SNTG2: variants seen among roughly 807,000 people sequenced by gnomAD.
SNTG2 encodes the protein gamma-2-syntrophin.
SNTG2 carries 74 observed loss-of-function variants against 70.9 expected under a neutral mutation model. The observed-to-expected ratio is 1.04, with a 90% CI of 0.86 to 1.27. SNTG2 has a LOEUF of 1.27. Among genes scored for constraint, SNTG2 ranks in the 50% most tolerant of loss-of-function variants. The pLI is 0.00. For missense variants in SNTG2, 717 were observed against 690.7 expected, an observed-to-expected ratio of 1.04 and a Z score of -0.43; for synonymous variants, 278 against 273.8, an observed-to-expected ratio of 1.02 and a Z score of -0.15.
chr2:1,078,702 T>C (rs1045975445), intron 1 of SNTG2, among the ~76,000 whole-genome samples: 2 of 152,136 alleles, frequency 1.3e-5, no homozygotes, highest in Non-Finnish European at 2.9e-5. Context: ...AGCTGTGACC[T>C]TAAGAATACA....
At chr2:1,318,491 A>G (rs111432370) in intron 16 of SNTG2, among the ~76,000 whole-genome samples, 7 of 152,366 alleles carry the variant, frequency 4.6e-5, no homozygotes, top group African/African-American at 1.4e-4. Context: ...CTGAATGCAG[A>G]TGGTACAGAC....
intron 1 of SNTG2, among the ~76,000 whole-genome samples, chr2:991,407 A>ACACACACACACACT (rs1553305482): frequency 1.5e-4 from 22 of 151,122 alleles, no homozygotes; most frequent in Admixed American, 2.6e-4. Flanking sequence ...ACACACACAC[A>ACACACACACACACT]ATTATGACTT....
At position 1,158,316 on chromosome 2, in the gene SNTG2, T is replaced by A. The variant is rs189729085; in HGVS notation, c.412-7232T>A. On this transcript the variant is annotated intron_variant, in intron 6 of 16. Transcript: ENST00000308624. Reference sequence around the variant, plus strand: ...AGAAAAGTAGAAAATTATTATTTTTTAAAATTTATCTACATCTGAGTACAC... The same window carrying A: ...AGAAAAGTAGAAAATTATTATTTTTAAAAATTTATCTACATCTGAGTACAC... 1.8e-3 allele frequency: 280 copies of A among 152,348 alleles called. 3 individuals are homozygous for A. The highest frequency in any genetic ancestry group is 6.4e-3 in the African/African-American group (268 of 41,568). 9.4% of individuals were successfully genotyped at this position (152,348 alleles called of 1,614,324 possible).
intron 9 of SNTG2, among the ~76,000 whole-genome samples, chr2:1,225,019 G>C (rs1464183019): frequency 1.3e-5 from 2 of 152,228 alleles, no homozygotes; most frequent in African/African-American, 4.8e-5. Flanking sequence ...TTAATGTACA[G>C]AAGAGGCTCT....
chr2:1,196,748 A>C (rs6738385), intron 8 of SNTG2, among the ~76,000 whole-genome samples: 49,247 of 151,934 alleles, frequency 0.32, 8,504 homozygotes, highest in East Asian at 0.65. Flanking sequence ...AAAGAAAAAA[A>C]ACACTTCTAG....
rs558366956 is a variant in SNTG2 at position 1,134,889 on chromosome 2, C to G, written c.326-2733C>G. ...CCCCGCGGGGAGGCAGCTAAGGCCC[C>G]GAGAGAAATCAAGCGCAACACCGGT... is the stretch of plus-strand genomic sequence containing the variant. On this transcript the variant is annotated intron_variant, in intron 4 of 16. Transcript: ENST00000308624. Among the ~76,000 whole-genome samples, 56 of 152,288 alleles carry G rather than the reference C, an allele frequency of 3.7e-4. 1 individual carries two copies. Among genetic ancestry groups the G allele is most frequent in the African/African-American group, 1.3e-3 (53 of 41,562 alleles).
chr2:1,027,244 A>G (rs767713836), intron 1 of SNTG2, among the ~76,000 whole-genome samples: 20 of 152,140 alleles, frequency 1.3e-4, no homozygotes, highest in Non-Finnish European at 2.2e-4. Flanking sequence ...TAACTCATGC[A>G]TCTCTGTTGA....
chr2:1,058,695 G>T (rs918294862), intron 1 of SNTG2, among the ~76,000 whole-genome samples: 4 of 152,236 alleles, frequency 2.6e-5, no homozygotes, highest in Non-Finnish European at 5.9e-5. Context: ...CTTGGCTAGA[G>T]GGTGGAGTTT....
intron 1 of SNTG2, among the ~76,000 whole-genome samples, chr2:999,031 A>G (rs1192512638): frequency 2.0e-5 from 3 of 152,126 alleles, no homozygotes; most frequent in African/African-American, 7.2e-5. Flanking sequence ...CACAAATTTT[A>G]TATCTTGCTA....
intron 4 of SNTG2, among the ~76,000 whole-genome samples, chr2:1,116,899 T>C (rs1376226240): frequency 1.1e-4 from 16 of 145,112 alleles, no homozygotes; most frequent in Admixed American, 7.5e-4. Context: ...GGTGCCCTAG[T>C]GTGTGGGTGC....
chr2:1,227,129 A>T (rs1018066029), intron 9 of SNTG2, among the ~76,000 whole-genome samples: 2 of 152,252 alleles, frequency 1.3e-5, no homozygotes, highest in African/African-American at 4.8e-5. Flanking sequence ...GAGTTATTTT[A>T]TCATCACTGA....
intron 1 of SNTG2, among the ~76,000 whole-genome samples, chr2:1,030,652 T>G (rs1251416229): frequency 1.3e-5 from 2 of 152,252 alleles, no homozygotes; most frequent in African/African-American, 4.8e-5. Context: ...TACTGAGCAC[T>G]GCTGTACACT....
chr2:1,254,448 T>TTTTATAAC (rs1312337599), intron 12 of SNTG2, among the ~76,000 whole-genome samples: 1 of 152,246 alleles, frequency 6.6e-6, no homozygotes, highest in East Asian at 1.9e-4. Flanking sequence ...ATAAAGTCAA[T>TTTTATAAC]TTTACAGAAT....
intron 12 of SNTG2, 22 bp downstream of exon 12, chr2:1,247,465 C>T: frequency 6.6e-7 from 1 of 1,526,392 alleles, no homozygotes; most frequent in Non-Finnish European, 9.1e-7. Context: ...TTTGACACTC[C>T]ACAGGGAGGG....
intron 13 of SNTG2, among the ~76,000 whole-genome samples, chr2:1,261,499 A>G (rs1678411029): frequency 6.6e-6 from 1 of 152,204 alleles, no homozygotes; most frequent in East Asian, 1.9e-4. Flanking sequence ...TTCAACACTC[A>G]TCACGAAATA....
intron 9 of SNTG2, among the ~76,000 whole-genome samples, chr2:1,222,502 G>C (rs1162446711): frequency 7.1e-6 from 1 of 140,616 alleles, no homozygotes; most frequent in African/African-American, 2.8e-5. Context: ...TGCAGTGATG[G>C]AGGGCGTCTC....
intron 1 of SNTG2, among the ~76,000 whole-genome samples, chr2:992,749 G>C (rs182059919): frequency 1.3e-5 from 2 of 152,252 alleles, no homozygotes; most frequent in East Asian, 3.9e-4. Context: ...GTCTCTTTGA[G>C]GCCATCACAC....
intron 1 of SNTG2, among the ~76,000 whole-genome samples, chr2:958,227 C>G (rs1039676296): frequency 6.6e-6 from 1 of 151,982 alleles, no homozygotes; most frequent in Non-Finnish European, 1.5e-5. Context: ...GAGAAATGGC[C>G]CCAAATGCGT....
At chr2:1,360,057 GA>G (rs5828812) in intron 16 of SNTG2, among the ~76,000 whole-genome samples, 109,229 of 150,976 alleles carry the variant, frequency 0.72, 39,668 homozygotes, top group East Asian at 0.94. Context: ...TTTCCCATAG[GA>G]AAAAAAAAAG....
Sources: gnomAD v4.1 joint callset for allele counts (sites outside exome capture counted in the v4.1 genomes callset) on GRCh38, gnomAD v4.1.1 for gene constraint, MANE v1.5 for transcripts, NCBI Gene and HGNC (gene_info 2026-07-23, HGNC 2026-07-21) for gene names.